The following CACNA2D3 variants were observed in gnomAD, a reference collection of about 807,000 sequenced individuals.
The protein encoded by CACNA2D3 is calcium voltage-gated channel auxiliary subunit alpha2delta 3.
Under a neutral mutation model 160.6 loss-of-function variants are expected in CACNA2D3, and 60 were observed. The ratio of observed to expected loss-of-function variants is 0.37; its 90% CI spans 0.30 to 0.46. The LOEUF is 0.46. Ranked by LOEUF, CACNA2D3 falls within the 20% of genes least tolerant of loss-of-function variation. The probability of loss-of-function intolerance (pLI) is 1.00; values close to 1 mark genes in which losing one functional copy is unlikely to be tolerated. For synonymous variants in CACNA2D3, 558 were observed against 492.9 expected, an observed-to-expected ratio of 1.13 and a Z score of -1.75; for missense variants, 1,205 against 1,365.0, an observed-to-expected ratio of 0.88 and a Z score of 1.85.
At chr3:54,663,054 TGAG>T (rs1333001815) in intron 11 of CACNA2D3, among the ~76,000 whole-genome samples, 2 of 152,052 alleles carry the variant, frequency 1.3e-5, no homozygotes, top group African/African-American at 4.8e-5. Context: ...ATAAAATTAT[TGAG>T]GAGAAAGAAC....
rs7613216 is a variant in CACNA2D3, at chr3:54,723,465, G to A, written c.1168-29134G>A. Among the ~76,000 whole-genome samples, 939 of 152,268 alleles carry A rather than the reference G, an allele frequency of 6.2e-3. 11 individuals carry two copies. The highest frequency in any genetic ancestry group is 0.021 in the African/African-American group (893 of 41,540). Reference sequence around the variant, plus strand: ...TGGAAAAAACTCCTACAGCTAGTTCGGTGTCTGCCCAAATGGCTACCCAGT... The same window carrying A: ...TGGAAAAAACTCCTACAGCTAGTTCAGTGTCTGCCCAAATGGCTACCCAGT... On this transcript the variant is annotated intron_variant, in intron 11 of 37. Coordinates refer to ENST00000474759, the MANE Select transcript of CACNA2D3 (RefSeq NM_018398.3).
At chr3:54,862,975 C>T (rs751432966) in intron 17 of CACNA2D3, among the ~76,000 whole-genome samples, 11 of 152,260 alleles carry the variant, frequency 7.2e-5, no homozygotes, top group Non-Finnish European at 2.9e-5. Flanking sequence ...TTGATATGGT[C>T]AACTGCTCAA....
At chr3:54,648,919 A>G (rs191396557) in intron 11 of CACNA2D3, among the ~76,000 whole-genome samples, 1 of 152,316 alleles carries the variant, frequency 6.6e-6, no homozygotes, top group East Asian at 1.9e-4. Flanking sequence ...ACCATGGGGC[A>G]GCACCAAGCC....
intron 13 of CACNA2D3, among the ~76,000 whole-genome samples, chr3:54,770,144 C>T (rs1702293165): frequency 6.6e-6 from 1 of 152,186 alleles, no homozygotes; most frequent in Non-Finnish European, 1.5e-5. Flanking sequence ...CACAAAATAT[C>T]TCACTTTTAT....
intron 5 of CACNA2D3, among the ~76,000 whole-genome samples, chr3:54,544,200 T>C (rs891932496): frequency 7.2e-5 from 11 of 152,212 alleles, no homozygotes; most frequent in Admixed American, 2.0e-4. Flanking sequence ...AAGTACATAA[T>C]ACATTTAGAG....
In CACNA2D3 at chr3:54,386,716, G is replaced by A. The variant is rs369646799; in HGVS notation, c.323G>A (p.Arg108His). ...MFHKKSEAVR[R>H]LVEAAEEAHL... is the part of the protein sequence containing the mutation. ...TCTGTTTTTTTTTTTTTTTTTTAGC[G>A]TCTGGTGGAGGCTGCAGAAGAAGCA... Residue 108 changes from arginine (R) to histidine (H), a missense_variant and splice_region_variant, in exon 4 of 38, where the codon CGT (arginine) becomes CAT (histidine). Arg to His is a conservative substitution (Grantham distance 29). Coordinates refer to ENST00000474759, the MANE Select transcript of CACNA2D3 (RefSeq NM_018398.3). 123 of 1,405,944 alleles carry A rather than the reference G, an allele frequency of 8.7e-5. No homozygotes were observed. Among genetic ancestry groups the A allele is most frequent in the African/African-American group, 2.5e-4 (15 of 60,244 alleles). The allele number at this position is 1,405,944 out of a possible 1,614,324, so 87.1% of individuals were successfully genotyped here.
chr3:54,909,306 G>A, intron 27 of CACNA2D3, among the ~76,000 whole-genome samples: 1 of 151,924 alleles, frequency 6.6e-6, no homozygotes, highest in East Asian at 1.9e-4. Flanking sequence ...GTGGAAAACA[G>A]TTTATGGGAT....
chr3:55,012,593 G>A (rs1020009104), intron 34 of CACNA2D3, among the ~76,000 whole-genome samples: 1 of 152,116 alleles, frequency 6.6e-6, no homozygotes, highest in Non-Finnish European at 1.5e-5. Context: ...GCCTAGAACA[G>A]TGGTTTTCAA....
intron 35 of CACNA2D3, among the ~76,000 whole-genome samples, chr3:55,064,427 G>T (rs952572607): frequency 1.3e-5 from 2 of 152,014 alleles, no homozygotes; most frequent in African/African-American, 4.8e-5. Context: ...CAGGGCTCTA[G>T]TTGCTGGGCT....
At chr3:54,861,619 C>T (rs1002712045) in intron 17 of CACNA2D3, among the ~76,000 whole-genome samples, 1 of 152,176 alleles carries the variant, frequency 6.6e-6, no homozygotes, top group Non-Finnish European at 1.5e-5. Flanking sequence ...AGAGTACAGG[C>T]AGGGAGACCG....
chr3:54,568,999 A>C (rs1343093858), intron 6 of CACNA2D3, among the ~76,000 whole-genome samples: 1 of 152,194 alleles, frequency 6.6e-6, no homozygotes, highest in Non-Finnish European at 1.5e-5. Context: ...CTTATCTCCA[A>C]AGTCTCTGTT....
At chr3:54,562,992 T>C in intron 6 of CACNA2D3, 61 bp downstream of exon 6, 3 of 1,505,504 alleles carry the variant, frequency 2.0e-6, no homozygotes, top group Non-Finnish European at 2.7e-6. Context: ...ATGTGGTATT[T>C]TTCTTTAGGG....
chr3:55,057,624 A>G lies in CACNA2D3; in HGVS notation c.2988-15821A>G, dbSNP rs908976291. On this transcript the variant is annotated intron_variant, in intron 35 of 37. Transcript: ENST00000474759. ...TAGAAATCACTTATGAGGTAGGAAA[A>G]CTAAGAAGAGGGAAGGAACAAAACA... Among the ~76,000 whole-genome samples, 22 of 152,188 alleles carry G rather than the reference A, an allele frequency of 1.4e-4. 1 individual carries two copies. Among genetic ancestry groups the G allele is most frequent in the Admixed American group, 1.4e-3 (22 of 15,280 alleles).
At chr3:54,306,328 T>TGAGAGAGAGAGAGAGA (rs140311356) in intron 2 of CACNA2D3, among the ~76,000 whole-genome samples, 54 of 151,296 alleles carry the variant, frequency 3.6e-4, no homozygotes, top group Non-Finnish European at 4.4e-4. Context: ...TGTGTGTATA[T>TGAGAGAGAGAGAGAGA]GAGAGAGAGA....
At chr3:55,043,479 G>T (rs1326721611) in intron 35 of CACNA2D3, among the ~76,000 whole-genome samples, 7 of 151,222 alleles carry the variant, frequency 4.6e-5, no homozygotes, top group East Asian at 3.9e-4. Context: ...CAAATGTTTT[G>T]CTCATTTTAA....
chr3:54,569,776 A>T lies in CACNA2D3; in HGVS notation c.677-19A>T. The T allele has an allele frequency of 6.4e-7, 1 of 1,569,138 alleles. No individual in the cohort carries two copies. The highest frequency in any genetic ancestry group is 8.7e-7 in the Non-Finnish European group (1 of 1,152,082). ...TATTTGAAGTTTCTGGGTTTCTCAT[A>T]ACCCCATTTTTCTTCTAGGGATTAA... On this transcript the variant is annotated intron_variant, in intron 6 of 37. Transcript: ENST00000474759.
intron 27 of CACNA2D3, among the ~76,000 whole-genome samples, chr3:54,911,955 G>C (rs1313328258): frequency 6.6e-6 from 1 of 152,180 alleles, no homozygotes; most frequent in African/African-American, 2.4e-5. Context: ...GACTCTGGGT[G>C]CAGCTTAGCT....
At chr3:54,885,371 C>T (rs753554008) in intron 22 of CACNA2D3, 45 bp downstream of exon 22, 12 of 1,609,018 alleles carry the variant, frequency 7.5e-6, no homozygotes, top group Non-Finnish European at 1.0e-5. Flanking sequence ...TCCTTCATTG[C>T]CCTCTTTGAT....
chr3:54,270,134 A>G (rs1390709700), intron 2 of CACNA2D3, among the ~76,000 whole-genome samples: 3 of 152,194 alleles, frequency 2.0e-5, no homozygotes, highest in African/African-American at 4.8e-5. Context: ...TCTCGTGTTC[A>G]GCATTCTCCT....
Sources: gnomAD v4.1 joint callset for allele counts (sites outside exome capture counted in the v4.1 genomes callset) on GRCh38, gnomAD v4.1.1 for gene constraint, MANE v1.5 for transcripts, NCBI Gene and HGNC (gene_info 2026-07-23, HGNC 2026-07-21) for gene names.